Variants in TXNDC11 observed in about 807,000 individuals in gnomAD.
The protein encoded by TXNDC11 is thioredoxin domain-containing protein 11.
Under a neutral mutation model 78.0 loss-of-function variants are expected in TXNDC11, and 68 were observed. That is an observed-to-expected ratio of 0.87 (90% CI 0.72 to 1.07). The LOEUF (loss-of-function observed/expected upper bound fraction) is 1.07. Among genes scored for constraint, TXNDC11 ranks in the 50% least tolerant of loss-of-function variants. TXNDC11 has a pLI of 0.00. For synonymous variants in TXNDC11, 571 were observed against 495.2 expected (o/e 1.15, Z -2.03); for missense variants, 1,389 against 1,221.8 (o/e 1.14, Z -2.04).
chr16:11,723,402 T>C (rs2051772203), intron 4 of TXNDC11, among the ~76,000 whole-genome samples: 1 of 151,886 alleles, frequency 6.6e-6, no homozygotes, highest in Non-Finnish European at 1.5e-5. Flanking sequence ...CTGGCCGATA[T>C]GGTGGAACCC....
In TXNDC11 at chr16:11,742,771, C is replaced by G; in HGVS notation, c.-41G>C. On this transcript the variant is annotated 5_prime_UTR_variant, in exon 1 of 12. Transcript: ENST00000283033. ...GCCGGCTTTATACCGCCGCCGCCGCCTCGGGCCCGAAGGCCCGGCCCGGCC... is the reference window on the plus strand; with the variant it reads ...GCCGGCTTTATACCGCCGCCGCCGCGTCGGGCCCGAAGGCCCGGCCCGGCC... 1 of 1,419,484 alleles carries G rather than the reference C, an allele frequency of 7.0e-7. No individual in the cohort carries two copies. Among genetic ancestry groups the G allele is most frequent in the Non-Finnish European group, 9.1e-7 (1 of 1,093,606 alleles). The allele number at this position is 1,419,484 out of a possible 1,614,324, so 87.9% of individuals were successfully genotyped here.
chr16:11,699,409 T>A (rs544908393), intron 6 of TXNDC11, among the ~76,000 whole-genome samples: 6 of 152,282 alleles, frequency 3.9e-5, no homozygotes, highest in Admixed American at 3.9e-4. Context: ...GCAGATGATG[T>A]CAAAGCAGCT....
Position 11,698,333 on chromosome 16 carries a change from G to C in TXNDC11, c.907-8C>G. 1 of 1,612,432 alleles carries C rather than the reference G, an allele frequency of 6.2e-7. No homozygotes were observed. Among genetic ancestry groups the C allele is most frequent in the Non-Finnish European group, 8.5e-7 (1 of 1,179,666 alleles). On this transcript the variant is annotated splice_region_variant and splice_polypyrimidine_tract_variant and intron_variant, in intron 6 of 11. Transcript: ENST00000283033. ...GACCTCCCTGGGGAAGACCTGTGAA[G>C]GACAAAGGCACAGAGGATAAAGGAG...
At chr16:11,720,406 T>C (rs1366625810) in intron 5 of TXNDC11, among the ~76,000 whole-genome samples, 3 of 147,864 alleles carry the variant, frequency 2.0e-5, no homozygotes, top group Non-Finnish European at 4.5e-5. Flanking sequence ...AAAAAGATTA[T>C]GATGTAATAA....
intron 1 of TXNDC11, among the ~76,000 whole-genome samples, chr16:11,737,159 A>G (rs1259570059): frequency 1.3e-5 from 2 of 152,174 alleles, no homozygotes; most frequent in African/African-American, 4.8e-5. Flanking sequence ...CAAAGAAAGT[A>G]AAGGAGACCA....
At chr16:11,726,222 AGC>A (rs34436424) in intron 4 of TXNDC11, among the ~76,000 whole-genome samples, 71,279 of 151,562 alleles carry the variant, frequency 0.47, 17,038 homozygotes, top group Middle Eastern at 0.56. Context: ...GTTAATGATT[AGC>A]GCAATGTGAT....
intron 6 of TXNDC11, among the ~76,000 whole-genome samples, chr16:11,698,658 C>T (rs11641208): frequency 0.015 from 2,304 of 152,324 alleles, 29 homozygotes; most frequent in Non-Finnish European, 0.018. Context: ...AGGTATTAAA[C>T]GTCACTGGGT....
At position 11,687,848 on chromosome 16, in the gene TXNDC11, CCT is replaced by C. The variant is rs764609702; in HGVS notation, c.2153+7_2153+8del. ...ACAGCCCAAAGCGCTGCAGAAGAGG[CCT>C]GCTTACCTTGCCACAGTGAATGTGT... On this transcript the variant is annotated splice_region_variant and intron_variant, in intron 10 of 11. Transcript: ENST00000283033. The C allele has an allele frequency of 1.4e-5, 22 of 1,595,062 alleles. No homozygotes were observed. Among genetic ancestry groups the C allele is most frequent in the Middle Eastern group, 1.7e-4 (1 of 6,060 alleles).
At chr16:11,710,502 G>A (rs959339024) in intron 5 of TXNDC11, among the ~76,000 whole-genome samples, 1 of 152,222 alleles carries the variant, frequency 6.6e-6, no homozygotes, top group Admixed American at 6.5e-5. Flanking sequence ...CCTGAAACCT[G>A]AAGGCCAGTG....
rs1567295624 is a variant in TXNDC11 at position 11,688,381 on chromosome 16, G to A, written c.1965C>T (p.Gly655=). The part of the protein sequence containing the change: ...SPLKRHLIGS[G]SAQFPSQHLI... The stretch of plus-strand genomic sequence containing the variant: ...AATGCTGAGACGGGAACTGGGCAGA[G>A]CCACTTCCAATGAGATGCCTTTTCA... Residue 655 remains glycine, a synonymous_variant, in exon 9 of 12, where the codon GGC becomes GGT. Transcript: ENST00000283033. The A allele has an allele frequency of 6.2e-7, 1 of 1,613,818 alleles. No homozygotes were observed. Among genetic ancestry groups the A allele is most frequent in the Non-Finnish European group, 8.5e-7 (1 of 1,179,702 alleles).
intron 5 of TXNDC11, among the ~76,000 whole-genome samples, chr16:11,714,155 C>T (rs996830609): frequency 6.6e-6 from 1 of 152,134 alleles, no homozygotes; most frequent in Non-Finnish European, 1.5e-5. Flanking sequence ...CATCCTCCCA[C>T]CTCAGCCCCT....
chr16:11,679,512 C>G lies in TXNDC11; in HGVS notation c.2560G>C (p.Ala854Pro). Residue 854 changes from alanine to proline, a missense_variant, in exon 12 of 12, where the codon GCA becomes CCA. Physicochemically the swap from Ala to Pro is conservative, Grantham distance 27 (BLOSUM62 -1). Coordinates refer to ENST00000283033, the MANE Select transcript of TXNDC11 (RefSeq NM_015914.7). The surrounding 1 kb of genome is among the most constrained non-coding windows in gnomAD (Gnocchi z 4.6). ...AGGGCCTGCAGCTGCTCACTGTGTG[C>G]GTGGAGCAGGCTGTGCTGCTCTTCC... ...ALEEQHSLLH[A>P]HSEQLQALYE... The G allele has an allele frequency of 6.2e-7, 1 of 1,613,310 alleles. No homozygotes were observed. The highest frequency in any genetic ancestry group is 8.5e-7 in the Non-Finnish European group (1 of 1,180,022).
chr16:11,691,249 C>T (rs762872189), intron 8 of TXNDC11, 41 bp downstream of exon 8: 3 of 1,540,766 alleles, frequency 1.9e-6, no homozygotes, highest in Non-Finnish European at 1.8e-6. Flanking sequence ...TGAAGTCAAG[C>T]AAAATGTACA....
rs571351833 is a variant in TXNDC11 at position 11,685,559 on chromosome 16, G to A, written c.2154-1314C>T. On this transcript the variant is annotated intron_variant, in intron 10 of 11. Coordinates refer to ENST00000283033, the MANE Select transcript of TXNDC11 (RefSeq NM_015914.7). ...AGCTACTCGGGAGGCTGAGGCAGGA[G>A]AATGGCGTGAACCCGGGAGGCGGAG... 2.0e-5 allele frequency among the ~76,000 whole-genome samples: 3 copies of A among 151,716 alleles called. No homozygotes were observed. In the East Asian group the frequency reaches 5.9e-4, roughly 30 times the overall value.
At chr16:11,688,562 C>G in intron 8 of TXNDC11, 117 bp from the exon 9 acceptor site, 1 of 888,474 alleles carries the variant, frequency 1.1e-6, no homozygotes, top group Non-Finnish European at 1.6e-6. Flanking sequence ...ACATTTTTAA[C>G]ATTTCACCTA....
Position 11,698,130 on chromosome 16 carries a change from C to G in TXNDC11, c.1102G>C (p.Asp368His). 1 of 1,614,220 alleles carries G rather than the reference C, an allele frequency of 6.2e-7. No individual in the cohort carries two copies. The highest frequency in any genetic ancestry group is 8.5e-7 in the Non-Finnish European group (1 of 1,180,022). The change falls in exon 7 of 12, where the codon GAC (aspartate) becomes CAC (histidine). Residue 368 changes from aspartate to histidine, a missense_variant. Transcript: ENST00000283033. ...NPLAESHPLIDEITEVALEYN... is the reference protein window; with the variant it reads ...NPLAESHPLIHEITEVALEYN... ...TTTCACATCACAGCTCTTACCTCGT[C>G]TATTAAAGGATGACTTTCGGCCAGG...
chr16:11,732,898 C>A (rs1398582953), intron 3 of TXNDC11, among the ~76,000 whole-genome samples: 1 of 152,172 alleles, frequency 6.6e-6, no homozygotes, highest in African/African-American at 2.4e-5. Context: ...CTGATCAAAT[C>A]TCCTTTACCC....
intron 5 of TXNDC11, among the ~76,000 whole-genome samples, chr16:11,713,292 AAAAG>A (rs1430099046): frequency 1.3e-5 from 2 of 151,940 alleles, no homozygotes; most frequent in Non-Finnish European, 2.9e-5. Flanking sequence ...AAAAAAAAAA[AAAAG>A]AAAAGAAATC....
At chr16:11,718,977 C>T (rs1416377539) in intron 5 of TXNDC11, among the ~76,000 whole-genome samples, 3 of 152,070 alleles carry the variant, frequency 2.0e-5, no homozygotes, top group African/African-American at 4.8e-5. Flanking sequence ...CACTATTTAC[C>T]CTTCTTTTGC....
Sources: allele counts gnomAD v4.1 joint callset (sites outside exome capture counted in the v4.1 genomes callset), GRCh38; gene constraint gnomAD v4.1.1; non-coding constraint Gnocchi (gnomAD v3.1); transcripts MANE v1.5; gene names NCBI Gene and HGNC (gene_info 2026-07-23, HGNC 2026-07-21).